The following THSD7B variants were observed in gnomAD, a reference collection of about 807,000 sequenced individuals.
THSD7B encodes thrombospondin type 1 domain containing 7B.
THSD7B carries 138 observed loss-of-function variants against 213.6 expected under a neutral mutation model. The ratio of observed to expected loss-of-function variants is 0.65; its 90% CI spans 0.56 to 0.74. The LOEUF (loss-of-function observed/expected upper bound fraction) is 0.74, where lower values mean the gene tolerates loss of function less well. Among genes scored for constraint, THSD7B ranks in the 30% least tolerant of loss-of-function variants. The probability of loss-of-function intolerance (pLI) is 0.00; values close to 1 mark genes in which losing one functional copy is unlikely to be tolerated. For synonymous variants in THSD7B, 742 were observed against 687.0 expected (o/e 1.08, Z -1.25); for missense variants, 1,931 against 1,991.5 (o/e 0.97, Z 0.58).
intron 4 of THSD7B, among the ~76,000 whole-genome samples, chr2:137,114,268 A>C (rs926351043): frequency 2.0e-5 from 3 of 152,196 alleles, no homozygotes; most frequent in African/African-American, 7.2e-5. Flanking sequence ...CAGTGTTTTT[A>C]CGAATGCCGC....
chr2:136,891,754 A>G (rs896688234), intron 2 of THSD7B, among the ~76,000 whole-genome samples: 6 of 152,204 alleles, frequency 3.9e-5, no homozygotes, highest in African/African-American at 1.4e-4. Flanking sequence ...CAGATTTCAA[A>G]CAAGTGACAC....
chr2:137,073,170 G>T (rs563739822), intron 3 of THSD7B, among the ~76,000 whole-genome samples: 1 of 152,204 alleles, frequency 6.6e-6, no homozygotes, highest in South Asian at 2.1e-4. Context: ...AATAGTTTCA[G>T]AAGGAATGGT....
intron 12 of THSD7B, among the ~76,000 whole-genome samples, chr2:137,362,170 G>A (rs1209015630): frequency 6.6e-6 from 1 of 152,108 alleles, no homozygotes. Context: ...ATCCTTTACA[G>A]ACAAGCAAAT....
At chr2:137,375,089 T>C (rs911525366) in intron 12 of THSD7B, among the ~76,000 whole-genome samples, 1 of 152,164 alleles carries the variant, frequency 6.6e-6, no homozygotes, top group African/African-American at 2.4e-5. Context: ...GCCTTGGTAA[T>C]TTGAATCATC....
At position 137,272,584 on chromosome 2, in the gene THSD7B, C is replaced by G; in HGVS notation, c.2318C>G (p.Ala773Gly). ...TACAGAATCATCATCCAAGAAGCAG[C>G]CAATGGAGGCCAGGAATGCCCAGAT... ...SRYRIIIQEA[A>G]NGGQECPDTL... The change falls in exon 11 of 28, where the codon GCC becomes GGC. Residue 773 changes from alanine (A) to glycine (G), a missense_variant. By Grantham distance (60) the Ala-to-Gly change is moderately conservative. Transcript: ENST00000409968. The G allele has an allele frequency of 6.2e-7, 1 of 1,611,960 alleles. No homozygotes were observed. The highest frequency in any genetic ancestry group is 1.1e-5 in the South Asian group (1 of 90,854).
At chr2:137,546,075 G>A (rs950091954) in intron 15 of THSD7B, among the ~76,000 whole-genome samples, 3 of 150,490 alleles carry the variant, frequency 2.0e-5, no homozygotes, top group African/African-American at 7.3e-5. Context: ...GAAATGAGAG[G>A]ATTTCTAATT....
intron 2 of THSD7B, among the ~76,000 whole-genome samples, chr2:136,943,037 C>T (rs499497): frequency 0.48 from 73,143 of 151,948 alleles, 18,782 homozygotes; most frequent in Non-Finnish European, 0.58. Context: ...CAATACCTAG[C>T]TTATTGAGAG....
chr2:137,170,975 T>A, intron 7 of THSD7B, 37 bp downstream of exon 7: 1 of 1,603,702 alleles, frequency 6.2e-7, no homozygotes, highest in Non-Finnish European at 8.5e-7. Flanking sequence ...GTTAGGATGT[T>A]AAGTATCAGC....
intron 12 of THSD7B, among the ~76,000 whole-genome samples, chr2:137,340,795 G>A (rs185312334): frequency 6.6e-6 from 1 of 151,690 alleles, no homozygotes; most frequent in African/African-American, 2.4e-5. Flanking sequence ...CATTGTGTAT[G>A]TATCCCACAT....
chr2:137,444,289 G>A (rs1368661095), intron 14 of THSD7B, among the ~76,000 whole-genome samples: 1 of 152,000 alleles, frequency 6.6e-6, no homozygotes, highest in Non-Finnish European at 1.5e-5. Context: ...ATTTTCACAT[G>A]CTGATGGATT....
intron 7 of THSD7B, among the ~76,000 whole-genome samples, chr2:137,198,379 G>A (rs1478837459): frequency 3.3e-5 from 5 of 152,052 alleles, no homozygotes; most frequent in Non-Finnish European, 4.4e-5. Context: ...CCTGACACTG[G>A]GAGAGGAATG....
intron 17 of THSD7B, among the ~76,000 whole-genome samples, chr2:137,598,642 G>T (rs1284171730): frequency 6.6e-6 from 1 of 152,162 alleles, no homozygotes; most frequent in Non-Finnish European, 1.5e-5. Flanking sequence ...ATGTAAATGT[G>T]CATCCCTGAG....
intron 10 of THSD7B, among the ~76,000 whole-genome samples, chr2:137,269,768 T>A (rs1682691280): frequency 6.6e-6 from 1 of 152,242 alleles, no homozygotes; most frequent in Non-Finnish European, 1.5e-5. Context: ...CAGAGCTATC[T>A]TGGTAACCCT....
chr2:137,349,815 T>C (rs966863672), intron 12 of THSD7B, among the ~76,000 whole-genome samples: 2 of 151,816 alleles, frequency 1.3e-5, no homozygotes, highest in African/African-American at 4.8e-5. Context: ...GCTAAAGTCA[T>C]AACAACATGA....
At chr2:137,402,091 T>C (rs1686379328) in intron 12 of THSD7B, among the ~76,000 whole-genome samples, 1 of 152,224 alleles carries the variant, frequency 6.6e-6, no homozygotes, top group Non-Finnish European at 1.5e-5. Context: ...TAAAGGATAG[T>C]AATAATTAAT....
At chr2:137,399,101 G>T (rs1438577738) in intron 12 of THSD7B, among the ~76,000 whole-genome samples, 2 of 151,864 alleles carry the variant, frequency 1.3e-5, no homozygotes, top group Non-Finnish European at 2.9e-5. Flanking sequence ...TACCTCAGAT[G>T]GAAATGCAGA....
intron 2 of THSD7B, among the ~76,000 whole-genome samples, chr2:136,975,258 A>AT (rs1685461981): frequency 6.6e-6 from 1 of 152,206 alleles, no homozygotes; most frequent in Admixed American, 6.5e-5. Context: ...TGTTTTCATC[A>AT]TAAAATCTTT....
At chr2:137,546,097 G>A (rs1375370) in intron 15 of THSD7B, among the ~76,000 whole-genome samples, 24,972 of 150,028 alleles carry the variant, frequency 0.17, 2,205 homozygotes, top group South Asian at 0.28. Context: ...ATATCTATCT[G>A]AGAAATATAA....
chr2:136,946,130 T>A (rs62172673), intron 2 of THSD7B, among the ~76,000 whole-genome samples: 8 of 151,680 alleles, frequency 5.3e-5, no homozygotes, highest in Non-Finnish European at 3.0e-5. Context: ...GTTGGTGATC[T>A]ACATATGGGG....
Sources: gnomAD v4.1 joint callset for allele counts (sites outside exome capture counted in the v4.1 genomes callset) on GRCh38, gnomAD v4.1.1 for gene constraint, MANE v1.5 for transcripts, NCBI Gene and HGNC (gene_info 2026-07-23, HGNC 2026-07-21) for gene names.